Variants in GRM5 observed in about 807,000 individuals in gnomAD.
GRM5 encodes glutamate metabotropic receptor 5.
A neutral mutation model predicts 83.1 loss-of-function variants in GRM5; 19 were observed. That is an observed-to-expected ratio of 0.23 (90% CI 0.16 to 0.34). The LOEUF is 0.34. GRM5 is among the 10% of genes least tolerant of loss of function. The probability of loss-of-function intolerance (pLI) is 1.00; values close to 1 mark genes in which losing one functional copy is unlikely to be tolerated. For missense variants in GRM5, 1,160 were observed against 1,588.3 expected (o/e 0.73, Z 4.58); for synonymous variants, 675 against 633.6 (o/e 1.07, Z -0.98).
chr11:88,590,564 C>T (rs1937619567), intron 7 of GRM5, 37 bp downstream of exon 7: 16 of 1,585,490 alleles, frequency 1.0e-5, no homozygotes, highest in Non-Finnish European at 1.4e-5. Flanking sequence ...CACCATTTTT[C>T]AGTTAATTTA....
At chr11:88,967,246 CACATATATATAT>C (rs1565312964) in intron 2 of GRM5, among the ~76,000 whole-genome samples, 38 of 104,620 alleles carry the variant, frequency 3.6e-4, no homozygotes, top group Non-Finnish European at 6.3e-4. Context: ...TATATATATA[CACATATATATAT>C]ATATATATAT....
rs549761570 is a variant in GRM5, at chr11:89,009,651, C to T, written c.661+37561G>A. ...GTGGCTCACGCCTGTAATCCCAGCACTTTGGGAGGCCGAGGCGGGCGGATC... is the reference window on the plus strand; with the variant it reads ...GTGGCTCACGCCTGTAATCCCAGCATTTTGGGAGGCCGAGGCGGGCGGATC... On this transcript the variant is annotated intron_variant, in intron 2 of 9. Coordinates refer to ENST00000305447, the MANE Select transcript of GRM5 (RefSeq NM_001143831.3). Among the ~76,000 whole-genome samples, 44 of 151,990 alleles carry T rather than the reference C, an allele frequency of 2.9e-4. No individual in the cohort carries two copies. The South Asian group carries it at 6.2e-3, about 21-fold the overall frequency.
intron 7 of GRM5, among the ~76,000 whole-genome samples, chr11:88,580,731 G>C (rs746603039): frequency 6.6e-6 from 1 of 152,206 alleles, no homozygotes; most frequent in Non-Finnish European, 1.5e-5. Context: ...TAAAAGAGAT[G>C]TTTATAACAG....
At chr11:88,793,162 A>G (rs2135477111) in intron 3 of GRM5, among the ~76,000 whole-genome samples, 1 of 152,284 alleles carries the variant, frequency 6.6e-6, no homozygotes, top group East Asian at 1.9e-4. Flanking sequence ...TGAATAACTC[A>G]TATCAATCCT....
At chr11:88,802,071 G>A (rs1359221509) in intron 3 of GRM5, among the ~76,000 whole-genome samples, 2 of 152,130 alleles carry the variant, frequency 1.3e-5, no homozygotes, top group South Asian at 2.1e-4. Context: ...TTCAGGAAGC[G>A]AGGTTCTATT....
At chr11:88,891,951 G>A (rs1228075977) in intron 2 of GRM5, among the ~76,000 whole-genome samples, 3 of 151,976 alleles carry the variant, frequency 2.0e-5, no homozygotes, top group Admixed American at 2.0e-4. Flanking sequence ...TTAGAATATT[G>A]CTGATCCTTA....
intron 3 of GRM5, among the ~76,000 whole-genome samples, chr11:88,771,554 C>A (rs1942737582): frequency 6.6e-6 from 1 of 152,072 alleles, no homozygotes; most frequent in Non-Finnish European, 1.5e-5. Flanking sequence ...AAGCTTCTCC[C>A]ACCTTCTTCT....
chr11:89,037,089 C>T (rs1177592550), intron 2 of GRM5, among the ~76,000 whole-genome samples: 1 of 151,938 alleles, frequency 6.6e-6, no homozygotes, highest in Non-Finnish European at 1.5e-5. Context: ...TGCACTATGA[C>T]TTGTTTATAT....
intron 7 of GRM5, among the ~76,000 whole-genome samples, chr11:88,580,981 G>A (rs550492768): frequency 6.6e-5 from 10 of 152,176 alleles, no homozygotes; most frequent in South Asian, 6.2e-4. Context: ...GGTGGCATGC[G>A]CCTGTAGTCA....
rs202225599 is a variant in GRM5 at position 88,888,392 on chromosome 11, CAG to C, written c.662-38239_662-38238del. Among the ~76,000 whole-genome samples, 527 of 152,214 alleles carry C rather than the reference CAG, an allele frequency of 3.5e-3. 2 individuals carry two copies. The highest frequency in any genetic ancestry group is 0.012 in the African/African-American group (503 of 41,548). On this transcript the variant is annotated intron_variant, in intron 2 of 9. Transcript: ENST00000305447. ...AGAGAAGATAGAGAAAGTGAAGAAA[CAG>C]GGGAAACACCATTCCCAGCAGGAAG...
At chr11:88,992,041 T>C (rs570183524) in intron 2 of GRM5, among the ~76,000 whole-genome samples, 14,618 of 151,834 alleles carry the variant, frequency 0.096, 2,273 homozygotes, top group African/African-American at 0.33. Context: ...AGAGCTTCTG[T>C]ACAGCAAAAG....
At chr11:88,959,060 G>C (rs1938707264) in intron 2 of GRM5, among the ~76,000 whole-genome samples, 1 of 152,062 alleles carries the variant, frequency 6.6e-6, no homozygotes, top group Non-Finnish European at 1.5e-5. Context: ...ATTCATAAGA[G>C]AATGAGAAAT....
At chr11:88,994,114 C>T (rs938452608) in intron 2 of GRM5, among the ~76,000 whole-genome samples, 1 of 151,722 alleles carries the variant, frequency 6.6e-6, no homozygotes, top group South Asian at 2.1e-4. Context: ...AGAATATAAT[C>T]TTATTTAAAA....
At chr11:88,988,736 A>T (rs10831544) in intron 2 of GRM5, among the ~76,000 whole-genome samples, 1 of 146,978 alleles carries the variant, frequency 6.8e-6, no homozygotes, top group Non-Finnish European at 1.5e-5. Flanking sequence ...ATTTTCAACC[A>T]AGAATTTCAT....
At chr11:88,586,531 A>G (rs542433408) in intron 7 of GRM5, among the ~76,000 whole-genome samples, 13 of 152,346 alleles carry the variant, frequency 8.5e-5, no homozygotes, top group African/African-American at 2.4e-4. Flanking sequence ...TAAGGTAACT[A>G]TAAGCCAAGT....
chr11:88,911,199 T>C (rs1469606698), intron 2 of GRM5, among the ~76,000 whole-genome samples: 1 of 152,076 alleles, frequency 6.6e-6, no homozygotes, highest in Non-Finnish European at 1.5e-5. Context: ...CCCCACTGTA[T>C]ATAAAGCTCT....
intron 3 of GRM5, among the ~76,000 whole-genome samples, chr11:88,657,178 T>C (rs982128024): frequency 6.6e-6 from 1 of 152,178 alleles, no homozygotes; most frequent in African/African-American, 2.4e-5. Flanking sequence ...ATGAACACGT[T>C]GTGACTAAAG....
chr11:88,651,652 G>A (rs1254637796), intron 4 of GRM5, among the ~76,000 whole-genome samples: 7 of 152,220 alleles, frequency 4.6e-5, no homozygotes, highest in East Asian at 1.9e-4. Flanking sequence ...AAGGAAATGC[G>A]TAAGCATTTG....
At chr11:88,976,290 T>C (rs1321771384) in intron 2 of GRM5, among the ~76,000 whole-genome samples, 2 of 152,108 alleles carry the variant, frequency 1.3e-5, no homozygotes, top group Non-Finnish European at 2.9e-5. Context: ...GAGAATCGGA[T>C]TGTGGTTGTG....
Sources: allele counts gnomAD v4.1 joint callset (sites outside exome capture counted in the v4.1 genomes callset), GRCh38; gene constraint gnomAD v4.1.1; transcripts MANE v1.5; gene names NCBI Gene and HGNC (gene_info 2026-07-23, HGNC 2026-07-21).